The following STT3B variants were observed in gnomAD, a reference collection of about 807,000 sequenced individuals.
The protein encoded by STT3B is dolichyl-diphosphooligosaccharide--protein glycosyltransferase subunit STT3B.
A neutral mutation model predicts 96.8 loss-of-function variants in STT3B; 29 were observed. That is an observed-to-expected ratio of 0.30 (90% confidence interval 0.22 to 0.41). The LOEUF is 0.41. Among genes scored for constraint, STT3B ranks in the 10% least tolerant of loss-of-function variants. The probability of loss-of-function intolerance (pLI) is 1.00; values close to 1 mark genes in which losing one functional copy is unlikely to be tolerated. For synonymous variants in STT3B, 367 were observed against 360.0 expected (o/e 1.02, Z -0.22); for missense variants, 640 against 1,022.3 (o/e 0.63, Z 5.10).
intron 1 of STT3B, among the ~76,000 whole-genome samples, chr3:31,564,805 A>G (rs748375153): frequency 6.6e-6 from 1 of 152,236 alleles, no homozygotes; most frequent in Non-Finnish European, 1.5e-5. Flanking sequence ...TTTTAATTTC[A>G]GTGAAAGAAG....
intron 5 of STT3B, 31 bp downstream of exon 5, chr3:31,600,490 C>A: frequency 1.0e-6 from 1 of 1,004,068 alleles, no homozygotes; most frequent in Non-Finnish European, 1.6e-6. Flanking sequence ...CATCTGTCAA[C>A]TAAGAGATGT....
intron 8 of STT3B, among the ~76,000 whole-genome samples, chr3:31,618,383 C>G (rs190556272): frequency 3.3e-4 from 49 of 150,624 alleles, no homozygotes; most frequent in South Asian, 4.2e-4. Flanking sequence ...TTAATTTTTT[C>G]TAATACCATC....
Position 31,625,849 on chromosome 3 carries a change from A to T in STT3B, c.1900-105A>T. 2.7e-6 allele frequency: 3 copies of T among 1,130,596 alleles called. No individual in the cohort carries two copies. In the East Asian group the frequency reaches 7.5e-5, roughly 28 times the overall value. 70.0% of individuals were successfully genotyped at this position (1,130,596 alleles called of 1,614,324 possible). A position where few individuals can be genotyped will look rare whatever the true frequency, so the allele number is the denominator to read the frequency against. On this transcript the variant is annotated intron_variant, in intron 12 of 15. Transcript: ENST00000295770. ...TCATTTCTGCAAAAAAATTCCATGT[A>T]AAACAAACTCTTGATGAATTCCATG...
At chr3:31,587,398 C>T (rs190392623) in intron 3 of STT3B, among the ~76,000 whole-genome samples, 20 of 151,990 alleles carry the variant, frequency 1.3e-4, no homozygotes, top group Admixed American at 1.2e-3. Context: ...AATATGTTGC[C>T]TTTTGTATCT....
At chr3:31,549,625 G>A (rs1697501870) in intron 1 of STT3B, among the ~76,000 whole-genome samples, 2 of 151,946 alleles carry the variant, frequency 1.3e-5, no homozygotes, top group South Asian at 2.1e-4. Context: ...ACTTAAACGT[G>A]TATTATGTAT....
chr3:31,589,309 T>G (rs537734081), intron 3 of STT3B, among the ~76,000 whole-genome samples: 2 of 152,100 alleles, frequency 1.3e-5, no homozygotes, highest in African/African-American at 4.8e-5. Flanking sequence ...TCCAGTGTTG[T>G]CTGTAATCAT....
At chr3:31,615,053 G>T in intron 5 of STT3B, 52 bp from the exon 6 acceptor site, 1 of 1,064,318 alleles carries the variant, frequency 9.4e-7, no homozygotes, top group Non-Finnish European at 1.4e-6. Flanking sequence ...TTATGTTTTA[G>T]GTACTTAATG....
intron 2 of STT3B, among the ~76,000 whole-genome samples, chr3:31,579,555 T>C (rs965042274): frequency 1.3e-5 from 2 of 150,614 alleles, no homozygotes; most frequent in Admixed American, 6.7e-5. Context: ...GTTAAACATT[T>C]TGAATTTTAA....
chr3:31,533,399 G>T, intron 1 of STT3B, 87 bp downstream of exon 1: 1 of 1,302,148 alleles, frequency 7.7e-7, no homozygotes, highest in Non-Finnish European at 9.8e-7. Context: ...CCTCGACTTG[G>T]CCCCGCGCCG....
rs538331062 is a variant in STT3B, at chr3:31,547,763, A to G, written c.314+14451A>G. ...GGATAAAACAGCCTGAACAAGTACA[A>G]AAAGACAATAAATTTGTAGACACTT... On this transcript the variant is annotated intron_variant, in intron 1 of 15. Transcript: ENST00000295770. Among the ~76,000 whole-genome samples, 3 of 152,342 alleles carry G rather than the reference A, an allele frequency of 2.0e-5. 1 individual carries two copies. The highest frequency in any genetic ancestry group is 7.2e-5 in the African/African-American group (3 of 41,566).
chr3:31,558,024 G>A (rs894420353), intron 1 of STT3B, among the ~76,000 whole-genome samples: 1 of 152,124 alleles, frequency 6.6e-6, no homozygotes, highest in African/African-American at 2.4e-5. Context: ...TTTATATGTC[G>A]ATTTCGTATC....
intron 7 of STT3B, 37 bp downstream of exon 7, chr3:31,617,112 A>G (rs765098930): frequency 4.7e-5 from 66 of 1,399,718 alleles, no homozygotes; most frequent in South Asian, 9.3e-5. Context: ...AATATTGTCT[A>G]TACAAACAAT....
chr3:31,583,750 G>T (rs982095857), intron 3 of STT3B, among the ~76,000 whole-genome samples: 2 of 151,946 alleles, frequency 1.3e-5, no homozygotes, highest in African/African-American at 2.4e-5. Context: ...TGGTTGTGCT[G>T]TTTTCTACAT....
At chr3:31,628,534 G>A (rs887883111) in intron 13 of STT3B, among the ~76,000 whole-genome samples, 27 of 151,986 alleles carry the variant, frequency 1.8e-4, no homozygotes, top group African/African-American at 6.3e-4. Flanking sequence ...TCTCTGTAGC[G>A]TTAATTCCTG....
At chr3:31,599,051 CGCCTGCCTCG>C (rs1698862672) in intron 4 of STT3B, among the ~76,000 whole-genome samples, 3 of 152,072 alleles carry the variant, frequency 2.0e-5, no homozygotes. Flanking sequence ...TCAGGTGATC[CGCCTGCCTCG>C]GCCTCCCAAA....
intron 4 of STT3B, among the ~76,000 whole-genome samples, chr3:31,599,168 CTTCT>C (rs1164307734): frequency 6.6e-6 from 1 of 152,118 alleles, no homozygotes. Flanking sequence ...CCTTTTTATT[CTTCT>C]TTCTCTTTTT....
chr3:31,629,234 G>T, intron 13 of STT3B, 64 bp from the exon 14 acceptor site: 1 of 906,696 alleles, frequency 1.1e-6, no homozygotes, highest in African/African-American at 1.7e-5. Flanking sequence ...AATGAAAAGA[G>T]GAAACTGTAG....
At chr3:31,549,170 G>A (rs767868565) in intron 1 of STT3B, among the ~76,000 whole-genome samples, 2 of 152,018 alleles carry the variant, frequency 1.3e-5, no homozygotes, top group African/African-American at 4.8e-5. Flanking sequence ...AATAAAACTA[G>A]GACTGACTTT....
chr3:31,609,092 C>T (rs147493463), intron 5 of STT3B, among the ~76,000 whole-genome samples: 47 of 152,028 alleles, frequency 3.1e-4, no homozygotes, highest in African/African-American at 1.1e-3. Flanking sequence ...TCCAGCCTGG[C>T]GACAGAAAAA....
Sources: gnomAD v4.1 joint callset for allele counts (sites outside exome capture counted in the v4.1 genomes callset) on GRCh38, gnomAD v4.1.1 for gene constraint, MANE v1.5 for transcripts, NCBI Gene and HGNC (gene_info 2026-07-23, HGNC 2026-07-21) for gene names.